Variants in SRPK2 observed in about 807,000 individuals in gnomAD.
SRPK2 encodes the protein SRSF protein kinase 2.
In SRPK2, 21 loss-of-function variants were observed where a neutral mutation model predicts 90.8. That is an observed-to-expected ratio of 0.23 (90% CI 0.16 to 0.33). The LOEUF (loss-of-function observed/expected upper bound fraction) is 0.33, where lower values mean the gene tolerates loss of function less well. Among genes scored for constraint, SRPK2 ranks in the 10% least tolerant of loss-of-function variants. SRPK2 has a pLI of 1.00. For synonymous variants in SRPK2, 288 were observed against 311.1 expected (o/e 0.93, Z 0.78); for missense variants, 620 against 869.0 (o/e 0.71, Z 3.60).
chr7:105,377,055 T>G (rs956391626), intron 2 of SRPK2, among the ~76,000 whole-genome samples: 7 of 152,152 alleles, frequency 4.6e-5, no homozygotes, highest in Non-Finnish European at 1.0e-4. Flanking sequence ...TAGTCTCTAA[T>G]GATTTTCTAA....
chr7:105,366,660 G>A (rs1819102068), intron 2 of SRPK2, among the ~76,000 whole-genome samples: 1 of 151,814 alleles, frequency 6.6e-6, no homozygotes, highest in Non-Finnish European at 1.5e-5. Context: ...TGAGCCACCA[G>A]GCCCAGCCAG....
chr7:105,143,149 G>A lies in SRPK2; in HGVS notation c.995C>T (p.Pro332Leu). 3 of 1,614,142 alleles carry A rather than the reference G, an allele frequency of 1.9e-6. No homozygotes were observed. The highest frequency in any genetic ancestry group is 2.7e-5 in the African/African-American group (2 of 75,036). The change falls in exon 10 of 16, where the codon CCA becomes CTA. Residue 332 changes from proline (P) to leucine (L), a missense_variant. Around this residue, in one of 8 missense-constraint regions of SRPK2, gnomAD observed 243 missense variants for 245.7 expected, o/e 0.99. Transcript: ENST00000393651. The part of the protein sequence containing the change: ...PSNDQDGEYC[P>L]EVKLKTTGLE... The stretch of plus-strand genomic sequence containing the variant: ...TCCTGTTGTTTTTAGTTTCACCTCT[G>A]GGCAGTATTCGCCATCCTGGTCATT...
At chr7:105,278,518 CAAAAAA>C (rs745938997) in intron 2 of SRPK2, among the ~76,000 whole-genome samples, 5 of 95,292 alleles carry the variant, frequency 5.2e-5, no homozygotes, top group Non-Finnish European at 9.9e-5. Context: ...AATAAAAATA[CAAAAAA>C]AAAAAAAAAA....
chr7:105,196,952 AG>A (rs1316013609), intron 3 of SRPK2, among the ~76,000 whole-genome samples: 3 of 152,138 alleles, frequency 2.0e-5, no homozygotes, highest in Non-Finnish European at 4.4e-5. Flanking sequence ...CGGGAGGCTG[AG>A]GCAGGAGAAT....
rs550287124 is a variant in SRPK2, at chr7:105,246,576, G to A, written c.72-42791C>T. The stretch of plus-strand genomic sequence containing the variant: ...GATCATTTTCAAAGAGAATGCAGAT[G>A]AGAAGAGCAACAGACCTACGACAGT... On this transcript the variant is annotated intron_variant, in intron 2 of 15. Transcript: ENST00000393651. Among the ~76,000 whole-genome samples, 7 of 152,304 alleles carry A rather than the reference G, an allele frequency of 4.6e-5. No individual in the cohort carries two copies. In the South Asian group the frequency reaches 1.4e-3, roughly 32 times the overall value.
In SRPK2 at chr7:105,251,665, T is replaced by A. The variant is rs1456031892; in HGVS notation, c.72-47880A>T. ...CAGCTCTGCATTAAACAGAGGCTTC[T>A]CCTACAGGCTAAAGATTGTGCTGGT... On this transcript the variant is annotated intron_variant, in intron 2 of 15. Transcript: ENST00000393651. 3.9e-5 allele frequency among the ~76,000 whole-genome samples: 6 copies of A among 152,242 alleles called. No individual in the cohort carries two copies. In the South Asian group the frequency reaches 1.2e-3, roughly 32 times the overall value.
At chr7:105,245,078 T>C in intron 2 of SRPK2, 1 of 355,408 alleles carries the variant, frequency 2.8e-6, no homozygotes. Context: ...CACACACCTC[T>C]TTTTCTTAGT....
At chr7:105,375,575 G>C (rs1273441592) in intron 2 of SRPK2, among the ~76,000 whole-genome samples, 1 of 152,162 alleles carries the variant, frequency 6.6e-6, no homozygotes, top group Admixed American at 6.5e-5. Context: ...CCTGGAACTA[G>C]AGCAAGGACA....
At chr7:105,319,697 G>A (rs951757733) in intron 2 of SRPK2, among the ~76,000 whole-genome samples, 5 of 151,992 alleles carry the variant, frequency 3.3e-5, no homozygotes, top group South Asian at 2.1e-4. Context: ...ATGGGTATGC[G>A]CCTGTAAATA....
At chr7:105,139,907 G>A (rs1030187905) in intron 11 of SRPK2, among the ~76,000 whole-genome samples, 10 of 151,800 alleles carry the variant, frequency 6.6e-5, no homozygotes, top group African/African-American at 2.2e-4. Context: ...GGTGCCTCTC[G>A]GTGTCTGCAG....
chr7:105,232,763 C>T (rs1300017212), intron 2 of SRPK2, among the ~76,000 whole-genome samples: 1 of 151,910 alleles, frequency 6.6e-6, no homozygotes, highest in African/African-American at 2.4e-5. Context: ...GCCTGTAATC[C>T]CAGCACTTTG....
At chr7:105,206,194 C>T (rs1796219678) in intron 2 of SRPK2, among the ~76,000 whole-genome samples, 1 of 151,740 alleles carries the variant, frequency 6.6e-6, no homozygotes, top group Non-Finnish European at 1.5e-5. Context: ...TGCGTGTAGA[C>T]ACTGACAAAT....
At chr7:105,181,222 G>A (rs543073199) in intron 3 of SRPK2, among the ~76,000 whole-genome samples, 1 of 152,296 alleles carries the variant, frequency 6.6e-6, no homozygotes, top group Non-Finnish European at 1.5e-5. Context: ...ATTAACAGAT[G>A]TTGTCAAGGT....
At chr7:105,277,664 A>G (rs1806700216) in intron 2 of SRPK2, among the ~76,000 whole-genome samples, 1 of 152,250 alleles carries the variant, frequency 6.6e-6, no homozygotes, top group Non-Finnish European at 1.5e-5. Flanking sequence ...CTCTGTTATG[A>G]GAATTCACAG....
chr7:105,328,428 T>C (rs1242730180), intron 2 of SRPK2, among the ~76,000 whole-genome samples: 1 of 151,052 alleles, frequency 6.6e-6, no homozygotes, highest in Non-Finnish European at 1.5e-5. Context: ...CCAGGTGTGG[T>C]GGCAGGCGAC....
intron 2 of SRPK2, among the ~76,000 whole-genome samples, chr7:105,214,970 C>T (rs960957301): frequency 1.3e-5 from 2 of 152,186 alleles, no homozygotes; most frequent in Admixed American, 6.5e-5. Context: ...GTAATCAAGA[C>T]AATGTCGTAC....
At chr7:105,114,750 C>T (rs1294850227), downstream of SRPK2, among the ~76,000 whole-genome samples, 1 of 152,148 alleles carries the variant, frequency 6.6e-6, no homozygotes, top group African/African-American at 2.4e-5. Context: ...TGTTTTTACA[C>T]TTTGAACCTC....
chr7:105,304,637 T>A (rs537044035), intron 2 of SRPK2, among the ~76,000 whole-genome samples: 1 of 152,352 alleles, frequency 6.6e-6, no homozygotes, highest in East Asian at 1.9e-4. Flanking sequence ...TGATTTTGTC[T>A]TAACTGTTCA....
rs1211160682 is a variant in SRPK2 at position 105,168,099 on chromosome 7, A to C, written c.339-4T>G. 1 of 1,605,960 alleles carries C rather than the reference A, an allele frequency of 6.2e-7. No homozygotes were observed. The highest frequency in any genetic ancestry group is 1.3e-5 in the African/African-American group (1 of 74,702). On this transcript the variant is annotated splice_region_variant and splice_polypyrimidine_tract_variant and intron_variant, in intron 4 of 15. Transcript: ENST00000393651. ...CATTGCAACAAATCTTTTCCCCCTA[A>C]AAGAAAAAACAAAAAAAGAGTCTAT... is the stretch of plus-strand genomic sequence containing the variant.
Sources: gnomAD v4.1 joint callset for allele counts (sites outside exome capture counted in the v4.1 genomes callset) on GRCh38, gnomAD v4.1.1 for gene constraint, gnomAD v4.1.1 regional missense constraint, MANE v1.5 for transcripts, NCBI Gene and HGNC (gene_info 2026-07-23, HGNC 2026-07-21) for gene names.